The following ZNF532 variants were observed in gnomAD, a reference collection of about 807,000 sequenced individuals.
The protein encoded by ZNF532 is zinc finger protein 532.
ZNF532 carries 22 observed loss-of-function variants against 89.3 expected under a neutral mutation model. That is an observed-to-expected ratio of 0.25 (90% CI 0.18 to 0.35). The LOEUF (loss-of-function observed/expected upper bound fraction) is 0.35. Among genes scored for constraint, ZNF532 ranks in the 10% least tolerant of loss-of-function variants. The probability of loss-of-function intolerance (pLI) is 1.00; values close to 1 mark genes in which losing one functional copy is unlikely to be tolerated. For missense variants in ZNF532, 1,132 were observed against 1,643.4 expected (o/e 0.69, Z 5.38); for synonymous variants, 606 against 649.6 (o/e 0.93, Z 1.02).
intron 5 of ZNF532, among the ~76,000 whole-genome samples, chr18:58,941,929 TTTCTC>T (rs1356202500): frequency 6.7e-6 from 1 of 149,176 alleles, no homozygotes; most frequent in Non-Finnish European, 1.5e-5. Flanking sequence ...CTTCCTTCCT[TTTCTC>T]TTTTCTTCTT....
intron 7 of ZNF532, among the ~76,000 whole-genome samples, chr18:58,970,415 TCTTGGGAACCAGGGAGGCTTC>T (rs2066359884): frequency 6.6e-6 from 1 of 152,206 alleles, no homozygotes; most frequent in African/African-American, 2.4e-5. Flanking sequence ...TAGATGGACA[TCTTGGGAACCAGGGAGGCTTC>T]AAAGGTAGGA....
chr18:58,880,589 A>C (rs1203909082), intron 2 of ZNF532, among the ~76,000 whole-genome samples: 2 of 152,198 alleles, frequency 1.3e-5, no homozygotes, highest in African/African-American at 4.8e-5. Context: ...TCTAGCTTGC[A>C]GTATTAGCTC....
At chr18:58,947,621 G>C (rs946309832) in intron 5 of ZNF532, among the ~76,000 whole-genome samples, 1 of 152,076 alleles carries the variant, frequency 6.6e-6, no homozygotes, top group Non-Finnish European at 1.5e-5. Context: ...GACTCTAAAT[G>C]AAAACTTTGG....
chr18:58,964,107 TC>T (rs1451684991), intron 7 of ZNF532: 5 of 152,224 alleles, frequency 3.3e-5, no homozygotes, highest in African/African-American at 1.2e-4. Context: ...TTAGAGTTCA[TC>T]CTGTTGTCAT....
chr18:58,871,096 A>G lies in ZNF532; in HGVS notation c.-18+5517A>G, dbSNP rs1484538836. On this transcript the variant is annotated intron_variant, in intron 2 of 9. Coordinates refer to ENST00000591808, the MANE Select transcript of ZNF532 (RefSeq NM_001375912.1). ...TAGTAAAAACCATAAACGAAGCGGC[A>G]GGGGTGGCTGAAGAACTTAGAACCT... 3.3e-5 allele frequency among the ~76,000 whole-genome samples: 5 copies of G among 152,194 alleles called. No individual in the cohort carries two copies. In the East Asian group the frequency reaches 5.8e-4, roughly 18 times the overall value.
intron 5 of ZNF532, among the ~76,000 whole-genome samples, chr18:58,941,833 C>T (rs1306483812): frequency 4.1e-5 from 6 of 147,954 alleles, no homozygotes; most frequent in Non-Finnish European, 9.0e-5. Flanking sequence ...TTTCTTTTCT[C>T]TCTTCCCCTC....
rs187061952 is a variant in ZNF532 at position 58,869,911 on chromosome 18, T to C, written c.-18+4332T>C. Among the ~76,000 whole-genome samples, 729 of 151,450 alleles carry C rather than the reference T, an allele frequency of 4.8e-3. 7 individuals carry two copies. Among genetic ancestry groups the C allele is most frequent in the African/African-American group, 0.016 (660 of 41,274 alleles). Reference sequence around the variant, plus strand: ...CCTCCTGAGTAGCTGGGATTACAGGTGCGTGCCACCATGCCTGGCTAATTT... The same window carrying C: ...CCTCCTGAGTAGCTGGGATTACAGGCGCGTGCCACCATGCCTGGCTAATTT... On this transcript the variant is annotated intron_variant, in intron 2 of 9. Transcript: ENST00000591808.
Position 58,888,741 on chromosome 18 carries a change from T to TTTTATATATATATAAATTATATATATAA in ZNF532, c.-18+23178_-18+23179insTTATATATATAATTTATATATATATAAA, listed in dbSNP as rs1568245472. ...TATATATATAAATTATATATATATA[T>TTTTATATATATATAAATTATATATATAA]TTTATATATATATAAAATTAATATA... On this transcript the variant is annotated intron_variant, in intron 2 of 9. Coordinates refer to ENST00000591808, the MANE Select transcript of ZNF532 (RefSeq NM_001375912.1). Among the ~76,000 whole-genome samples the TTTTATATATATATAAATTATATATATAA allele has an allele frequency of 4.2e-3, 127 of 30,444 alleles. 7 individuals are homozygous for TTTTATATATATATAAATTATATATATAA. Among genetic ancestry groups the TTTTATATATATATAAATTATATATATAA allele is most frequent in the Non-Finnish European group, 4.3e-3 (85 of 19,864 alleles). 20.0% of individuals were successfully genotyped at this position (30,444 alleles called of 152,430 possible). A position where few individuals can be genotyped will look rare whatever the true frequency, so the allele number is the denominator to read the frequency against.
chr18:58,981,403 C>T (rs1309088560), intron 8 of ZNF532, 67 bp from the exon 9 acceptor site: 23 of 1,568,216 alleles, frequency 1.5e-5, no homozygotes, highest in East Asian at 9.0e-5. Context: ...GACCTTCGAC[C>T]GTGAGTTCTT....
chr18:58,888,721 ATAT>A (rs1384547232), intron 2 of ZNF532, among the ~76,000 whole-genome samples: 739 of 38,762 alleles, frequency 0.019, 49 homozygotes, highest in African/African-American at 0.081. Flanking sequence ...ATATATATAT[ATAT>A]AAATTATATA....
At chr18:58,881,411 G>A (rs2057916109) in intron 2 of ZNF532, among the ~76,000 whole-genome samples, 2 of 152,174 alleles carry the variant, frequency 1.3e-5, no homozygotes, top group Admixed American at 6.6e-5. Flanking sequence ...GGGATTACAC[G>A]CATGAGCCAC....
intron 7 of ZNF532, among the ~76,000 whole-genome samples, chr18:58,967,747 C>T (rs2066075496): frequency 6.6e-6 from 1 of 152,156 alleles, no homozygotes; most frequent in Non-Finnish European, 1.5e-5. Flanking sequence ...TGCTTCAGAC[C>T]TCAGTTTGGC....
chr18:58,957,406 CATATAT>C (rs58182199), intron 7 of ZNF532, among the ~76,000 whole-genome samples: 8,596 of 138,832 alleles, frequency 0.062, 562 homozygotes, highest in African/African-American at 0.17. Flanking sequence ...ACTTAAAATA[CATATAT>C]ATATATATAT....
intron 2 of ZNF532, among the ~76,000 whole-genome samples, chr18:58,896,861 A>G (rs1488777698): frequency 2.0e-5 from 3 of 152,170 alleles, no homozygotes; most frequent in Non-Finnish European, 4.4e-5. Context: ...TGACAAATGG[A>G]GCAGATGAAG....
intron 7 of ZNF532, among the ~76,000 whole-genome samples, chr18:58,973,077 G>C (rs2066642685): frequency 6.6e-6 from 1 of 152,146 alleles, no homozygotes; most frequent in Non-Finnish European, 1.5e-5. Context: ...ACTGTAAGTT[G>C]GTGTTTTACC....
At chr18:58,963,708 A>C (rs142282171) in intron 7 of ZNF532, among the ~76,000 whole-genome samples, 1 of 150,160 alleles carries the variant, frequency 6.7e-6, no homozygotes, top group African/African-American at 2.5e-5. Context: ...CTGTAATCCT[A>C]ACACTTTCAG....
At chr18:58,889,839 C>G (rs2058756349) in intron 2 of ZNF532, among the ~76,000 whole-genome samples, 1 of 151,658 alleles carries the variant, frequency 6.6e-6, no homozygotes, top group African/African-American at 2.4e-5. Context: ...AATCCCAGCA[C>G]TTTGGGAGGC....
intron 2 of ZNF532, chr18:58,896,766 A>G (rs1230966448): frequency 1.3e-5 from 2 of 152,238 alleles, no homozygotes; most frequent in Non-Finnish European, 2.9e-5. Flanking sequence ...GGACATAAAT[A>G]TTGAAAAGAC....
At chr18:58,952,072 G>A (rs1483864973) in intron 6 of ZNF532, among the ~76,000 whole-genome samples, 1 of 152,190 alleles carries the variant, frequency 6.6e-6, no homozygotes, top group African/African-American at 2.4e-5. Context: ...GTTGAGGAAG[G>A]TTAGCTAGTT....
Sources: gnomAD v4.1 joint callset for allele counts (sites outside exome capture counted in the v4.1 genomes callset) on GRCh38, gnomAD v4.1.1 for gene constraint, MANE v1.5 for transcripts, NCBI Gene and HGNC (gene_info 2026-07-23, HGNC 2026-07-21) for gene names.